The following CPQ variants were observed in gnomAD, a reference collection of about 807,000 sequenced individuals.
CPQ encodes the protein Ser-Met dipeptidase.
In CPQ, 37 loss-of-function variants were observed where a neutral mutation model predicts 45.7. The observed-to-expected ratio is 0.81, with a 90% CI of 0.62 to 1.07. CPQ has a LOEUF of 1.07. Among genes scored for constraint, CPQ ranks in the 50% least tolerant of loss-of-function variants. CPQ has a pLI of 0.00. For missense variants in CPQ, 537 were observed against 572.9 expected, an observed-to-expected ratio of 0.94 and a Z score of 0.64; for synonymous variants, 186 against 205.8, an observed-to-expected ratio of 0.90 and a Z score of 0.82.
intron 3 of CPQ, among the ~76,000 whole-genome samples, chr8:96,879,153 G>T (rs1347320166): frequency 1.3e-5 from 2 of 152,218 alleles, no homozygotes. Context: ...GACCAGTTGG[G>T]ATGGTATTTC....
At chr8:96,805,067 T>G (rs149177930) in intron 2 of CPQ, among the ~76,000 whole-genome samples, 3 of 152,168 alleles carry the variant, frequency 2.0e-5, no homozygotes, top group African/African-American at 7.2e-5. Flanking sequence ...TGAACAAAAA[T>G]ATAGCTAATG....
intron 6 of CPQ, among the ~76,000 whole-genome samples, chr8:97,045,701 T>G (rs776685678): frequency 2.6e-5 from 4 of 152,232 alleles, no homozygotes; most frequent in Non-Finnish European, 4.4e-5. Context: ...CCAAAGATCA[T>G]TAGGTCTTTG....
At chr8:97,049,791 C>T (rs1238537720) in intron 6 of CPQ, among the ~76,000 whole-genome samples, 3 of 152,104 alleles carry the variant, frequency 2.0e-5, no homozygotes, top group Admixed American at 6.5e-5. Flanking sequence ...ACCTTCAATC[C>T]AGAGTCTGCA....
At chr8:96,996,428 C>T (rs963227171) in intron 5 of CPQ, among the ~76,000 whole-genome samples, 2 of 151,852 alleles carry the variant, frequency 1.3e-5, no homozygotes, top group South Asian at 2.1e-4. Context: ...CAAAGTCTTC[C>T]CCATTTCAAA....
chr8:96,945,829 T>C (rs761355857), intron 4 of CPQ, among the ~76,000 whole-genome samples: 3 of 152,212 alleles, frequency 2.0e-5, no homozygotes, highest in Admixed American at 6.5e-5. Flanking sequence ...CTAAACTGTA[T>C]CCTCTTTCTT....
chr8:96,718,466 C>G (rs532646126), intron 1 of CPQ, among the ~76,000 whole-genome samples: 1 of 152,080 alleles, frequency 6.6e-6, no homozygotes, highest in Non-Finnish European at 1.5e-5. Flanking sequence ...TTCGTTCCCC[C>G]CAGTGGGCTT....
intron 5 of CPQ, among the ~76,000 whole-genome samples, chr8:96,969,893 G>A (rs1008567310): frequency 6.6e-6 from 1 of 152,212 alleles, no homozygotes; most frequent in Non-Finnish European, 1.5e-5. Context: ...TAAACACCCT[G>A]TTAACAGAAA....
chr8:97,071,818 A>T (rs1810748572), intron 7 of CPQ, among the ~76,000 whole-genome samples: 1 of 152,212 alleles, frequency 6.6e-6, no homozygotes, highest in Non-Finnish European at 1.5e-5. Context: ...CAGGTGTTAC[A>T]GAGTGCATAA....
intron 6 of CPQ, among the ~76,000 whole-genome samples, chr8:97,036,461 A>G (rs1810008706): frequency 6.6e-6 from 1 of 152,252 alleles, no homozygotes; most frequent in South Asian, 2.1e-4. Flanking sequence ...TCTAGTGAAT[A>G]AGAGTTTCAT....
chr8:96,770,893 G>A (rs1452556590), intron 1 of CPQ, among the ~76,000 whole-genome samples: 2 of 148,730 alleles, frequency 1.3e-5, no homozygotes, highest in Non-Finnish European at 3.0e-5. Flanking sequence ...AGGAGAAGTG[G>A]ATGTACATTC....
intron 2 of CPQ, among the ~76,000 whole-genome samples, chr8:96,816,250 C>T (rs754658008): frequency 2.0e-5 from 3 of 152,100 alleles, no homozygotes; most frequent in Non-Finnish European, 4.4e-5. Context: ...TGTTCACACA[C>T]CTTCACCAGG....
rs1221921924 is a variant in CPQ, at chr8:97,123,209, A to T, written c.1256-19811A>T. Among the ~76,000 whole-genome samples the T allele has an allele frequency of 1.6e-3, 162 of 98,532 alleles. 4 individuals carry two copies. The highest frequency in any genetic ancestry group is 6.0e-3 in the African/African-American group (148 of 24,598). 64.6% of individuals were successfully genotyped at this position (98,532 alleles called of 152,430 possible). A position where few individuals can be genotyped will look rare whatever the true frequency, so the allele number is the denominator to read the frequency against. ...TAAAATAAAATAAAATAAAATAAAA[A>T]ATAAAATAAAATAAAATAAAATAAA... On this transcript the variant is annotated intron_variant, in intron 7 of 7. Transcript: ENST00000220763.
At chr8:96,867,143 G>T (rs761316408) in intron 3 of CPQ, among the ~76,000 whole-genome samples, 6 of 152,018 alleles carry the variant, frequency 3.9e-5, no homozygotes, top group Non-Finnish European at 8.8e-5. Context: ...TGAATGCTAA[G>T]ATCTTGGCAA....
At chr8:96,708,174 C>G (rs1809558117) in intron 1 of CPQ, among the ~76,000 whole-genome samples, 1 of 152,080 alleles carries the variant, frequency 6.6e-6, no homozygotes, top group Admixed American at 6.6e-5. Flanking sequence ...CTTTGCCTCT[C>G]TTCTTCTGCC....
intron 1 of CPQ, among the ~76,000 whole-genome samples, chr8:96,659,694 A>G (rs2130710898): frequency 6.6e-6 from 1 of 152,144 alleles, no homozygotes; most frequent in South Asian, 2.1e-4. Flanking sequence ...AATCCAAGGG[A>G]TAGTAGTTAA....
chr8:96,850,628 A>ATT (rs1811759090), intron 3 of CPQ, among the ~76,000 whole-genome samples: 1 of 145,518 alleles, frequency 6.9e-6, no homozygotes, highest in Admixed American at 6.8e-5. Flanking sequence ...TTATTTATTG[A>ATT]GATGCAGTTT....
At chr8:96,956,230 C>T (rs1418532455) in intron 4 of CPQ, among the ~76,000 whole-genome samples, 1 of 152,150 alleles carries the variant, frequency 6.6e-6, no homozygotes, top group Non-Finnish European at 1.5e-5. Flanking sequence ...TTTGTTCTCT[C>T]CAGCAGGTCT....
chr8:96,818,208 A>T (rs1327809234), intron 2 of CPQ, among the ~76,000 whole-genome samples: 1 of 151,952 alleles, frequency 6.6e-6, no homozygotes, highest in Admixed American at 6.5e-5. Flanking sequence ...ATAAGAAGAG[A>T]AACCTAATCA....
chr8:97,031,907 C>T (rs1008553603), intron 6 of CPQ, among the ~76,000 whole-genome samples: 2 of 152,202 alleles, frequency 1.3e-5, no homozygotes, highest in African/African-American at 2.4e-5. Context: ...TTACATGATA[C>T]AGCCAATTTC....
Sources: allele counts gnomAD v4.1 joint callset (sites outside exome capture counted in the v4.1 genomes callset), GRCh38; gene constraint gnomAD v4.1.1; transcripts MANE v1.5; gene names NCBI Gene and HGNC (gene_info 2026-07-23, HGNC 2026-07-21).